Variants in FOXP1 observed in about 807,000 individuals in gnomAD.
The protein encoded by FOXP1 is forkhead box P1.
FOXP1 carries 15 observed loss-of-function variants against 98.2 expected under a neutral mutation model. The ratio of observed to expected loss-of-function variants is 0.15; its 90% CI spans 0.10 to 0.24. The LOEUF (loss-of-function observed/expected upper bound fraction) is 0.24, where lower values mean the gene tolerates loss of function less well. FOXP1 is among the 10% of genes least tolerant of loss of function. The probability of loss-of-function intolerance (pLI) is 1.00; values close to 1 mark genes in which losing one functional copy is unlikely to be tolerated. For synonymous variants in FOXP1, 371 were observed against 314.5 expected (o/e 1.18, Z -1.90); for missense variants, 633 against 848.5 (o/e 0.75, Z 3.15).
chr3:71,251,410 T>C (rs916920063), intron 5 of FOXP1, among the ~76,000 whole-genome samples: 1 of 152,196 alleles, frequency 6.6e-6, no homozygotes, highest in African/African-American at 2.4e-5. Flanking sequence ...GTGTGATGGA[T>C]TTTTCAGCTT....
intron 4 of FOXP1, among the ~76,000 whole-genome samples, chr3:71,350,084 T>C (rs913603976): frequency 6.6e-6 from 1 of 152,214 alleles, no homozygotes; most frequent in African/African-American, 2.4e-5. Flanking sequence ...TGGGGGTGAC[T>C]TGGAAGATGT....
intron 5 of FOXP1, among the ~76,000 whole-genome samples, chr3:71,227,985 G>A (rs1446079950): frequency 7.2e-6 from 1 of 139,142 alleles, no homozygotes; most frequent in African/African-American, 2.6e-5. Context: ...TTCCAAGAAT[G>A]TGGTGGAATC....
chr3:71,271,444 A>C (rs1453325597), intron 5 of FOXP1, among the ~76,000 whole-genome samples: 1 of 152,214 alleles, frequency 6.6e-6, no homozygotes, highest in Non-Finnish European at 1.5e-5. Context: ...AACACAACTT[A>C]AGAGAAAATT....
intron 3 of FOXP1, among the ~76,000 whole-genome samples, chr3:71,430,961 T>G (rs1288416852): frequency 6.6e-6 from 1 of 151,954 alleles, no homozygotes; most frequent in Admixed American, 6.6e-5. Context: ...GCCCCTCCAA[T>G]TTATATGAAA....
intron 4 of FOXP1, among the ~76,000 whole-genome samples, chr3:71,342,029 G>GT (rs1055371420): frequency 8.0e-6 from 1 of 125,102 alleles, no homozygotes; most frequent in Non-Finnish European, 1.8e-5. Context: ...TGAATCTTAT[G>GT]TTTTTTTCTG....
chr3:71,102,069 G>A (rs772136324), intron 7 of FOXP1, among the ~76,000 whole-genome samples: 2 of 152,180 alleles, frequency 1.3e-5, no homozygotes, highest in African/African-American at 4.8e-5. Context: ...GTAATTTACC[G>A]GGCAATAATT....
intron 5 of FOXP1, among the ~76,000 whole-genome samples, chr3:71,285,909 C>T (rs1254359031): frequency 6.6e-6 from 1 of 152,286 alleles, no homozygotes; most frequent in East Asian, 1.9e-4. Flanking sequence ...CCTTGGTCCT[C>T]TCTGAATCTA....
intron 4 of FOXP1, among the ~76,000 whole-genome samples, chr3:71,350,962 A>G (rs964753114): frequency 3.3e-5 from 5 of 151,718 alleles, no homozygotes; most frequent in Non-Finnish European, 7.4e-5. Flanking sequence ...ACCACCCCCA[A>G]CTCACTCCTG....
At chr3:71,561,605 G>T (rs1050447604) in intron 2 of FOXP1, among the ~76,000 whole-genome samples, 2 of 152,134 alleles carry the variant, frequency 1.3e-5, no homozygotes, top group African/African-American at 4.8e-5. Flanking sequence ...TAAGGTTGCT[G>T]TCAGGATAGA....
At chr3:71,110,811 T>C (rs2057856002) in intron 7 of FOXP1, among the ~76,000 whole-genome samples, 1 of 152,226 alleles carries the variant, frequency 6.6e-6, no homozygotes, top group South Asian at 2.1e-4. Context: ...AGAGCTGTTC[T>C]TAAGACATCT....
chr3:71,223,331 T>G (rs57346984), intron 5 of FOXP1, among the ~76,000 whole-genome samples: 12,783 of 152,214 alleles, frequency 0.084, 629 homozygotes, highest in African/African-American at 0.12. Context: ...TGGAGGCACT[T>G]TTTTCCTACA....
At chr3:71,368,724 C>A (rs748204767) in intron 3 of FOXP1, among the ~76,000 whole-genome samples, 42 of 152,150 alleles carry the variant, frequency 2.8e-4, no homozygotes, top group Non-Finnish European at 5.0e-4. Flanking sequence ...AAGTCAGGCC[C>A]ATGTGACTGA....
intron 13 of FOXP1, among the ~76,000 whole-genome samples, chr3:70,995,529 A>T (rs2041241700): frequency 6.6e-6 from 1 of 152,178 alleles, no homozygotes; most frequent in African/African-American, 2.4e-5. Context: ...TCAAAAAGCC[A>T]TGTATGTCAT....
chr3:71,182,081 G>A (rs925961673), intron 6 of FOXP1, among the ~76,000 whole-genome samples: 1 of 151,836 alleles, frequency 6.6e-6, no homozygotes, highest in Non-Finnish European at 1.5e-5. Flanking sequence ...AACAAATGTG[G>A]TTTTTTAAAA....
At chr3:71,158,727 C>A (rs1213783826) in intron 6 of FOXP1, among the ~76,000 whole-genome samples, 52 of 112,984 alleles carry the variant, frequency 4.6e-4, no homozygotes, top group African/African-American at 1.3e-3. Flanking sequence ...GCCCACAGAC[C>A]AAAAAAAAAA....
intron 3 of FOXP1, among the ~76,000 whole-genome samples, chr3:71,398,441 A>T (rs2081708378): frequency 6.6e-6 from 1 of 152,212 alleles, no homozygotes; most frequent in Non-Finnish European, 1.5e-5. Context: ...CTTTAGTCTC[A>T]TTAGCTTCCT....
At position 71,493,466 on chromosome 3, in the gene FOXP1, G is replaced by C. The variant is rs188855280; in HGVS notation, c.-208C>G. On this transcript the variant is annotated 5_prime_UTR_variant, in exon 3 of 21. Transcript: ENST00000649528. ...GCATCACATCCATCCGTTCATGGCT[G>C]ACAGCAAATCAGAGAAGGGATCGAA... is the stretch of plus-strand genomic sequence containing the variant. 2.6e-5 allele frequency: 4 copies of C among 152,312 alleles called. No homozygotes were observed. In the East Asian group the frequency reaches 7.7e-4, roughly 29 times the overall value. 9.4% of individuals were successfully genotyped at this position (152,312 alleles called of 1,614,324 possible).
chr3:71,169,313 T>C (rs1482957346), intron 6 of FOXP1, among the ~76,000 whole-genome samples: 1 of 152,152 alleles, frequency 6.6e-6, no homozygotes, highest in South Asian at 2.1e-4. Context: ...CCCCCGAGCG[T>C]CTCTCTCTTT....
intron 2 of FOXP1, among the ~76,000 whole-genome samples, chr3:71,525,824 T>C (rs984896133): frequency 2.0e-5 from 3 of 152,152 alleles, no homozygotes; most frequent in Admixed American, 1.3e-4. Flanking sequence ...CATTTAAATA[T>C]AGGAGTACTG....
Sources: allele counts gnomAD v4.1 joint callset (sites outside exome capture counted in the v4.1 genomes callset), GRCh38; gene constraint gnomAD v4.1.1; transcripts MANE v1.5; gene names NCBI Gene and HGNC (gene_info 2026-07-23, HGNC 2026-07-21).